Variants in RALGPS2 observed in about 807,000 individuals in gnomAD.
RALGPS2 encodes Ral GEF with PH domain and SH3 binding motif 2.
In RALGPS2, 43 loss-of-function variants were observed where a neutral mutation model predicts 86.8. That is an observed-to-expected ratio of 0.50 (90% CI 0.39 to 0.64). The LOEUF is 0.64. RALGPS2 is among the 30% of genes least tolerant of loss of function. The pLI is 0.00. For missense variants in RALGPS2, 536 were observed against 694.6 expected, an observed-to-expected ratio of 0.77 and a Z score of 2.57; for synonymous variants, 243 against 231.3, an observed-to-expected ratio of 1.05 and a Z score of -0.46.
chr1:178,739,345 T>A (rs1426208704), intron 1 of RALGPS2, among the ~76,000 whole-genome samples: 1 of 152,226 alleles, frequency 6.6e-6, no homozygotes, highest in African/African-American at 2.4e-5. Context: ...TCAGAGACAG[T>A]CTTATATGTG....
intron 11 of RALGPS2, among the ~76,000 whole-genome samples, chr1:178,883,739 A>G (rs1456111084): frequency 6.6e-6 from 1 of 152,190 alleles, no homozygotes; most frequent in Non-Finnish European, 1.5e-5. Context: ...TAATCCCAGC[A>G]CTTTGGGAGG....
chr1:178,788,861 TTTTCTTTTCTTTTCTTTTC>T (rs1653812820), intron 4 of RALGPS2, among the ~76,000 whole-genome samples: 2 of 149,980 alleles, frequency 1.3e-5, no homozygotes, highest in Middle Eastern at 3.4e-3. Context: ...TTTTCTTTTC[TTTTCTTTTCTTTTCTTTTC>T]TTTCTTTCTT....
intron 6 of RALGPS2, among the ~76,000 whole-genome samples, chr1:178,819,646 C>T (rs1265330730): frequency 6.6e-6 from 1 of 152,082 alleles, no homozygotes; most frequent in Non-Finnish European, 1.5e-5. Flanking sequence ...CCTAAGTATT[C>T]CTTACTTTAT....
At chr1:178,908,034 C>A (rs538298210) in intron 19 of RALGPS2, among the ~76,000 whole-genome samples, 3 of 152,284 alleles carry the variant, frequency 2.0e-5, no homozygotes, top group Admixed American at 6.5e-5. Context: ...ATGATCCTGT[C>A]ACCCAGTTAG....
At chr1:178,887,401 C>T (rs1056781092) in intron 13 of RALGPS2, among the ~76,000 whole-genome samples, 4 of 152,132 alleles carry the variant, frequency 2.6e-5, no homozygotes, top group African/African-American at 9.7e-5. Flanking sequence ...TGCAGCGAGC[C>T]ATGTTCGCAG....
At chr1:178,902,798 A>G (rs2102406790) in intron 18 of RALGPS2, among the ~76,000 whole-genome samples, 1 of 152,266 alleles carries the variant, frequency 6.6e-6, no homozygotes, top group South Asian at 2.1e-4. Flanking sequence ...TTTAAGAACA[A>G]AATTATTTCT....
At chr1:178,853,583 C>A in intron 8 of RALGPS2, 1 of 1,575,666 alleles carries the variant, frequency 6.3e-7, no homozygotes, top group Non-Finnish European at 8.6e-7. Flanking sequence ...AGGTCTGCAT[C>A]ACTGATTTAC....
chr1:178,800,694 A>G lies in RALGPS2; in HGVS notation c.214-7351A>G, dbSNP rs139194656. Reference sequence around the variant, plus strand: ...TGGGGGAGTCAAAGGTTATATGTGCATAATTTTAAAAGTTAGATGTGGGTT... The same window carrying G: ...TGGGGGAGTCAAAGGTTATATGTGCGTAATTTTAAAAGTTAGATGTGGGTT... On this transcript the variant is annotated intron_variant, in intron 4 of 19. Transcript: ENST00000367635. 1.7e-3 allele frequency among the ~76,000 whole-genome samples: 258 copies of G among 152,248 alleles called. 1 individual carries two copies. The East Asian group carries it at 0.026, about 15-fold the overall frequency.
In RALGPS2 at chr1:178,920,956, T is replaced by C. The variant is rs1352949716; in HGVS notation, c.*4597T>C. On this transcript the variant is annotated 3_prime_UTR_variant, in exon 20 of 20. Coordinates refer to ENST00000367635, the MANE Select transcript of RALGPS2 (RefSeq NM_152663.5). ...CAAGAAAGTAAAAATATCTCTAATA[T>C]ATAAGTTAAAGGAAAGTTAAGAGAC... 6.6e-6 allele frequency: 1 copy of C among 152,044 alleles called. No homozygotes were observed. The highest frequency in any genetic ancestry group is 2.4e-5 in the African/African-American group (1 of 41,420). 9.4% of individuals were successfully genotyped at this position (152,044 alleles called of 1,614,324 possible).
At chr1:178,809,220 C>T (rs1165764966) in intron 5 of RALGPS2, among the ~76,000 whole-genome samples, 1 of 151,644 alleles carries the variant, frequency 6.6e-6, no homozygotes, top group African/African-American at 2.4e-5. Context: ...TATAGATGCA[C>T]TTGTATGTTG....
At chr1:178,733,919 A>C (rs1249723646) in intron 1 of RALGPS2, among the ~76,000 whole-genome samples, 2 of 152,254 alleles carry the variant, frequency 1.3e-5, no homozygotes, top group African/African-American at 2.4e-5. Flanking sequence ...GGATGCCATC[A>C]AGAATGTGAA....
Position 178,833,529 on chromosome 1 carries a change from A to G in RALGPS2, c.586A>G (p.Thr196Ala), listed in dbSNP as rs954289506. 6.5e-7 allele frequency: 1 copy of G among 1,533,594 alleles called. No homozygotes were observed. Among genetic ancestry groups the G allele is most frequent in the Admixed American group, 2.4e-5 (1 of 41,228 alleles). The allele number at this position is 1,533,594 out of a possible 1,614,324, so 95.0% of individuals were successfully genotyped here. Residue 196 changes from threonine to alanine, a missense_variant, in exon 8 of 20, where the codon ACA becomes GCA. Transcript: ENST00000367635. Reference sequence around the variant, plus strand: ...AGACTATATAAGTAGCTTAAAGATGACACCTTGCATTCCCTATTTAGGTGA... The same window carrying G: ...AGACTATATAAGTAGCTTAAAGATGGCACCTTGCATTCCCTATTTAGGTGA... ...LRDYISSLKM[T>A]PCIPYLGIYL...
chr1:178,766,328 T>C (rs184828162), intron 1 of RALGPS2, among the ~76,000 whole-genome samples: 3 of 152,068 alleles, frequency 2.0e-5, no homozygotes, highest in Non-Finnish European at 1.5e-5. Context: ...CAAGTGATTC[T>C]CCTACCTCAG....
At chr1:178,799,347 A>G (rs115421805) in intron 4 of RALGPS2, among the ~76,000 whole-genome samples, 1,825 of 151,740 alleles carry the variant, frequency 0.012, 55 homozygotes, top group African/African-American at 0.042. Context: ...CAAGTTTTTA[A>G]TACAGATGAA....
At chr1:178,873,035 G>A (rs959154639) in intron 8 of RALGPS2, among the ~76,000 whole-genome samples, 11 of 152,106 alleles carry the variant, frequency 7.2e-5, no homozygotes, top group Admixed American at 6.6e-5. Context: ...GAAGAATGGT[G>A]GGGGCTTAGG....
intron 8 of RALGPS2, among the ~76,000 whole-genome samples, chr1:178,840,018 A>G (rs1656508701): frequency 1.3e-5 from 2 of 152,054 alleles, no homozygotes; most frequent in Admixed American, 1.3e-4. Flanking sequence ...TTAGAGACCT[A>G]CAAAGAGACT....
intron 2 of RALGPS2, among the ~76,000 whole-genome samples, chr1:178,781,820 A>G (rs1039674288): frequency 6.6e-6 from 1 of 152,216 alleles, no homozygotes; most frequent in Non-Finnish European, 1.5e-5. Context: ...ACATTATGAA[A>G]AAAATGTTTT....
chr1:178,778,734 G>A (rs1188272065), intron 2 of RALGPS2, among the ~76,000 whole-genome samples: 2 of 147,402 alleles, frequency 1.4e-5, no homozygotes, highest in Non-Finnish European at 3.0e-5. Flanking sequence ...ATGAGTTCAT[G>A]TCCTTTGTAG....
At chr1:178,785,763 C>G (rs972597676) in intron 4 of RALGPS2, among the ~76,000 whole-genome samples, 156 bp downstream of exon 4, 4 of 152,002 alleles carry the variant, frequency 2.6e-5, no homozygotes, top group Admixed American at 1.3e-4. Flanking sequence ...CAGAAACCCA[C>G]GTGGCATTCA....
Sources: gnomAD v4.1 joint callset for allele counts (sites outside exome capture counted in the v4.1 genomes callset) on GRCh38, gnomAD v4.1.1 for gene constraint, MANE v1.5 for transcripts, NCBI Gene and HGNC (gene_info 2026-07-23, HGNC 2026-07-21) for gene names.